Variants in STXBP4 observed in about 807,000 individuals in gnomAD.
STXBP4 encodes syntaxin binding protein 4.
Under a neutral mutation model 76.1 loss-of-function variants are expected in STXBP4, and 55 were observed. The observed-to-expected ratio is 0.72, with a 90% CI of 0.58 to 0.91. The LOEUF (loss-of-function observed/expected upper bound fraction) is 0.91. Among genes scored for constraint, STXBP4 ranks in the 40% least tolerant of loss-of-function variants. STXBP4 has a pLI of 0.00. For synonymous variants in STXBP4, 201 were observed against 220.2 expected (o/e 0.91, Z 0.77); for missense variants, 618 against 636.9 (o/e 0.97, Z 0.32).
chr17:55,064,457 A>G (rs1014375466), intron 12 of STXBP4, among the ~76,000 whole-genome samples: 2 of 151,890 alleles, frequency 1.3e-5, no homozygotes, highest in South Asian at 2.1e-4. Context: ...CCCTATTTCT[A>G]CCAATTCTGG....
intron 8 of STXBP4, among the ~76,000 whole-genome samples, chr17:55,018,944 G>A (rs1220159289): frequency 3.9e-5 from 6 of 152,182 alleles, no homozygotes; most frequent in Non-Finnish European, 8.8e-5. Flanking sequence ...CTTAGCTTAG[G>A]CTCAGAGCCC....
At chr17:55,141,709 G>T (rs1325176838) in intron 17 of STXBP4, among the ~76,000 whole-genome samples, 2 of 152,066 alleles carry the variant, frequency 1.3e-5, no homozygotes, top group Non-Finnish European at 2.9e-5. Flanking sequence ...GTATATCTTT[G>T]AAAGTTCTTA....
At chr17:55,212,879 C>T in the STXBP4 span, among the ~76,000 whole-genome samples, 43 of 152,226 alleles carry the variant, frequency 2.8e-4, no homozygotes, top group East Asian at 6.6e-3. Context: ...GAGCAGTGTG[C>T]GTGCTTCATC....
At chr17:55,087,584 A>G (rs953038108) in intron 16 of STXBP4, among the ~76,000 whole-genome samples, 1 of 151,886 alleles carries the variant, frequency 6.6e-6, no homozygotes, top group Non-Finnish European at 1.5e-5. Flanking sequence ...TGGGTTGTCT[A>G]TTCTGTTTCA....
At chr17:55,048,954 T>G (rs2144768218) in intron 12 of STXBP4, among the ~76,000 whole-genome samples, 1 of 152,094 alleles carries the variant, frequency 6.6e-6, no homozygotes, top group Middle Eastern at 3.4e-3. Context: ...GTACAATATA[T>G]TCTAGTAAAA....
chr17:55,079,332 G>A (rs1226339997), intron 15 of STXBP4, among the ~76,000 whole-genome samples: 1 of 152,078 alleles, frequency 6.6e-6, no homozygotes, highest in East Asian at 1.9e-4. Flanking sequence ...TTTGATACAT[G>A]ATGAAAGACA....
chr17:55,115,117 G>A lies in STXBP4; in HGVS notation c.1490-26193G>A, dbSNP rs909544973. Among the ~76,000 whole-genome samples, 9 of 151,864 alleles carry A rather than the reference G, an allele frequency of 5.9e-5. No individual in the cohort carries two copies. In the East Asian group the frequency reaches 1.7e-3, roughly 29 times the overall value. The stretch of plus-strand genomic sequence containing the variant: ...GAAGTGTATTGACGTACTTTGGCTT[G>A]GAGAGTTATTAAAACGTAAAATGCT... On this transcript the variant is annotated intron_variant, in intron 16 of 17. Coordinates refer to ENST00000376352, the MANE Select transcript of STXBP4 (RefSeq NM_178509.6).
intron 9 of STXBP4, among the ~76,000 whole-genome samples, chr17:55,032,756 T>C (rs1310574642): frequency 6.6e-6 from 1 of 152,182 alleles, no homozygotes; most frequent in African/African-American, 2.4e-5. Flanking sequence ...ACTCGTAATA[T>C]GCACCCAGAT....
chr17:55,185,272 TCTC>T, the STXBP4 span, among the ~76,000 whole-genome samples: 61 of 59,132 alleles, frequency 1.0e-3, no homozygotes, highest in African/African-American at 4.4e-3. Flanking sequence ...TCCTTCTCCT[TCTC>T]CTTCTCCTTC....
chr17:55,061,909 A>G (rs958565441), intron 12 of STXBP4, among the ~76,000 whole-genome samples: 5 of 152,068 alleles, frequency 3.3e-5, no homozygotes, highest in African/African-American at 4.8e-5. Flanking sequence ...GTGATAGTCT[A>G]TTACAGTCAT....
At chr17:55,209,381 G>C in the STXBP4 span, among the ~76,000 whole-genome samples, 2 of 152,122 alleles carry the variant, frequency 1.3e-5, no homozygotes, top group Non-Finnish European at 2.9e-5. Context: ...AGAGATGCCA[G>C]TTCATACGCA....
chr17:55,139,382 G>A (rs1424792731), intron 16 of STXBP4, among the ~76,000 whole-genome samples: 1 of 152,142 alleles, frequency 6.6e-6, no homozygotes, highest in East Asian at 1.9e-4. Flanking sequence ...TTATTTAGCG[G>A]GCAAAAATTG....
At chr17:55,197,498 C>T in the STXBP4 span, among the ~76,000 whole-genome samples, 16 of 152,156 alleles carry the variant, frequency 1.1e-4, 1 homozygote, top group Non-Finnish European at 1.9e-4. Flanking sequence ...AATCCCAGCA[C>T]TTTGGGAGGC....
At chr17:55,206,526 A>C in the STXBP4 span, among the ~76,000 whole-genome samples, 1 of 151,786 alleles carries the variant, frequency 6.6e-6, no homozygotes, top group Non-Finnish European at 1.5e-5. Flanking sequence ...CTTTCCTCCT[A>C]CCGTTGTTGA....
At chr17:55,211,799 GTTTTTTTTTTTT>G in the STXBP4 span, among the ~76,000 whole-genome samples, 5 of 48,980 alleles carry the variant, frequency 1.0e-4, no homozygotes, top group African/African-American at 2.4e-4. Context: ...GTTTTTTGTT[GTTTTTTTTTTTT>G]TTTTTTTTTT....
At chr17:55,209,738 T>A in the STXBP4 span, among the ~76,000 whole-genome samples, 1 of 152,194 alleles carries the variant, frequency 6.6e-6, no homozygotes, top group Non-Finnish European at 1.5e-5. Context: ...GGGGACTTCA[T>A]GTCATTGTTG....
At chr17:55,069,172 A>C (rs1027548756) in intron 12 of STXBP4, among the ~76,000 whole-genome samples, 1 of 150,864 alleles carries the variant, frequency 6.6e-6, no homozygotes, top group Non-Finnish European at 1.5e-5. Flanking sequence ...AAAAAAAAAA[A>C]TAAGCTAGAG....
chr17:55,184,719 A>T, the STXBP4 span, among the ~76,000 whole-genome samples: 1 of 152,202 alleles, frequency 6.6e-6, no homozygotes, highest in African/African-American at 2.4e-5. Flanking sequence ...AGCTAAAGAG[A>T]CCTAACTAAT....
chr17:55,211,951 C>T, the STXBP4 span, among the ~76,000 whole-genome samples: 5 of 150,666 alleles, frequency 3.3e-5, no homozygotes, highest in Non-Finnish European at 5.9e-5. Context: ...GCTGGGATTA[C>T]GGGCACATGC....
Sources: gnomAD v4.1 joint callset for allele counts (sites outside exome capture counted in the v4.1 genomes callset) on GRCh38, gnomAD v4.1.1 for gene constraint, MANE v1.5 for transcripts, NCBI Gene and HGNC (gene_info 2026-07-23, HGNC 2026-07-21) for gene names.